Variants in ADRA2B observed in about 807,000 individuals in gnomAD.
ADRA2B encodes the protein alpha-2B adrenergic receptor.
A neutral mutation model predicts 14.4 loss-of-function variants in ADRA2B; 14 were observed. The ratio of observed to expected loss-of-function variants is 0.97; its 90% CI spans 0.64 to 1.52. The LOEUF (loss-of-function observed/expected upper bound fraction) is 1.52, where lower values mean the gene tolerates loss of function less well. Among genes scored for constraint, ADRA2B ranks in the 40% most tolerant of loss-of-function variants. The pLI, the probability that ADRA2B is intolerant of heterozygous loss-of-function variation, is 0.00. For missense variants in ADRA2B, 606 were observed against 603.2 expected, an observed-to-expected ratio of 1.00 and a Z score of -0.05; for synonymous variants, 250 against 263.7, an observed-to-expected ratio of 0.95 and a Z score of 0.50.
In ADRA2B at chr2:96,115,315, T is replaced by C. The variant is rs1208260776; in HGVS notation, c.835A>G (p.Asn279Asp). 2 of 1,595,760 alleles carry C rather than the reference T, an allele frequency of 1.3e-6. No individual in the cohort carries two copies. Among genetic ancestry groups the C allele is most frequent in the Non-Finnish European group, 1.7e-6 (2 of 1,170,166 alleles). The change falls in exon 1 of 1, where the codon AAC becomes GAC. Residue 279 changes from asparagine (N) to aspartate (D), a missense_variant. Coordinates refer to ENST00000620793, the MANE Select transcript of ADRA2B (RefSeq NM_000682.7). The stretch of plus-strand genomic sequence containing the variant: ...CCCTCCTTCTGGCCCTGGCCTGAGT[T>C]GGGAAGGGCAGCCCAACTGGGTGGC... The part of the protein sequence containing the change: ...ALPPSWAALP[N>D]SGQGQKEGVC...
chr2:96,115,674 C>A lies in ADRA2B; in HGVS notation c.476G>T (p.Arg159Leu), dbSNP rs766562145. The change falls in exon 1 of 1, where the codon CGC becomes CTC. Residue 159 changes from arginine (R) to leucine (L), a missense_variant. Arg to Leu is a moderately radical substitution (Grantham distance 102, BLOSUM62 -2). Coordinates refer to ENST00000620793, the MANE Select transcript of ADRA2B (RefSeq NM_000682.7). ...IYKGDQGPQP[R>L]GRPQCKLNQE... Reference sequence around the variant, plus strand: ...GTTGAGCTTGCACTGGGGGCGCCCGCGCGGCTGGGGGCCCTGGTCGCCCTT... The same window carrying A: ...GTTGAGCTTGCACTGGGGGCGCCCGAGCGGCTGGGGGCCCTGGTCGCCCTT... 37 of 1,613,584 alleles carry A rather than the reference C, an allele frequency of 2.3e-5. No individual in the cohort carries two copies. Among genetic ancestry groups the A allele is most frequent in the Non-Finnish European group, 2.3e-5 (27 of 1,179,868 alleles).
chr2:96,114,233 CG>C lies in ADRA2B; in HGVS notation c.*563del. 1 of 986,736 alleles carries C rather than the reference CG, an allele frequency of 1.0e-6. No individual in the cohort carries two copies. The highest frequency in any genetic ancestry group is 1.2e-6 in the Non-Finnish European group (1 of 830,876). The allele number at this position is 986,736 out of a possible 1,614,324, so 61.1% of individuals were successfully genotyped here. On this transcript the variant is annotated 3_prime_UTR_variant, in exon 1 of 1. Transcript: ENST00000620793. ...AAAGGGGGAAAGGAGGGCCCAGAGACGATGCCACCCCATAAGCCCCCATCCC... is the reference window on the plus strand; with the variant it reads ...AAAGGGGGAAAGGAGGGCCCAGAGACATGCCACCCCATAAGCCCCCATCCC...
Position 96,114,830 on chromosome 2 carries a change from G to A in ADRA2B, c.1320C>T (p.Ile440=), listed in dbSNP as rs1376027197. 6.2e-7 allele frequency: 1 copy of A among 1,613,572 alleles called. No homozygotes were observed. Among genetic ancestry groups the A allele is most frequent in the Non-Finnish European group, 8.5e-7 (1 of 1,179,870 alleles). ...NQDFRRAFRR[I]LCRPWTQTAW is the part of the protein sequence containing the mutation. ...CCGTCTGGGTCCACGGGCGGCACAG[G>A]ATCCTCCGGAAGGCACGGCGGAAGT... The change falls in exon 1 of 1, where the codon ATC becomes ATT. Residue 440 remains isoleucine (I), a synonymous_variant. Transcript: ENST00000620793.
At position 96,113,806 on chromosome 2, in the gene ADRA2B, G is replaced by C. The variant is rs1319067981; in HGVS notation, c.*991C>G. On this transcript the variant is annotated 3_prime_UTR_variant, in exon 1 of 1. Coordinates refer to ENST00000620793, the MANE Select transcript of ADRA2B (RefSeq NM_000682.7). Reference sequence around the variant, plus strand: ...TCCTTTAACTTGAAATAGTGATTCTGTCTGCCACTCCCGGCTTCCAGTTCG... The same window carrying C: ...TCCTTTAACTTGAAATAGTGATTCTCTCTGCCACTCCCGGCTTCCAGTTCG... 1.5e-6 allele frequency: 1 copy of C among 686,646 alleles called. No homozygotes were observed. 42.5% of individuals were successfully genotyped at this position (686,646 alleles called of 1,614,324 possible).
rs1283468600 is a variant in ADRA2B at position 96,115,792 on chromosome 2, A to G, written c.358T>C (p.Tyr120His). The part of the protein sequence containing the change: ...RYWAVSRALE[Y>H]NSKRTPRRIK... ...CGGCGCGGGGTGCGCTTGGAGTTGT[A>G]CTCCAGCGCGCGGCTCACGGCCCAG... The change falls in exon 1 of 1, where the codon TAC becomes CAC. Residue 120 changes from tyrosine (Y) to histidine (H), a missense_variant. Coordinates refer to ENST00000620793, the MANE Select transcript of ADRA2B (RefSeq NM_000682.7). 3 of 1,612,560 alleles carry G rather than the reference A, an allele frequency of 1.9e-6. No individual in the cohort carries two copies. In the African/African-American group the frequency reaches 4.0e-5, roughly 22 times the overall value.
chr2:96,115,281 C>T lies in ADRA2B; in HGVS notation c.869G>A (p.Gly290Glu), dbSNP rs756029699. 6.5e-5 allele frequency: 103 copies of T among 1,572,994 alleles called. No homozygotes were observed. Among genetic ancestry groups the T allele is most frequent in the Non-Finnish European group, 8.3e-5 (96 of 1,159,224 alleles). The change falls in exon 1 of 1, where the codon GGG (glycine) becomes GAG (glutamate). Residue 290 changes from glycine to glutamate, a missense_variant. Physicochemically the swap from Gly to Glu is moderately conservative, Grantham distance 98. Transcript: ENST00000620793. Reference protein sequence around the residue: ...SGQGQKEGVCGASPEDEAEEE... With the variant: ...SGQGQKEGVCEASPEDEAEEE... ...TTCAGCTTCATCCTCTGGAGATGCCCCACAAACACCCTCCTTCTGGCCCTG... is the reference window on the plus strand; with the variant it reads ...TTCAGCTTCATCCTCTGGAGATGCCTCACAAACACCCTCCTTCTGGCCCTG...
rs1055095826 is a variant in ADRA2B, at chr2:96,114,119, C to T, written c.*678G>A. 1.2e-5 allele frequency: 12 copies of T among 985,652 alleles called. No homozygotes were observed. The highest frequency in any genetic ancestry group is 1.4e-5 in the Non-Finnish European group (12 of 829,964). The allele number at this position is 985,652 out of a possible 1,614,324, so 61.1% of individuals were successfully genotyped here. A position where few individuals can be genotyped will look rare whatever the true frequency, so the allele number is the denominator to read the frequency against. On this transcript the variant is annotated 3_prime_UTR_variant, in exon 1 of 1. Transcript: ENST00000620793. ...CAAGACCGCCCCAGCGAGGCATCCA[C>T]GTGGCCACCCACCTACCGGAGGGGT...
At position 96,115,798 on chromosome 2, in the gene ADRA2B, G is replaced by A. The variant is rs570328500; in HGVS notation, c.352C>T (p.Leu118=). Residue 118 remains leucine (L), a synonymous_variant, in exon 1 of 1, where the codon CTG becomes TTG. Coordinates refer to ENST00000620793, the MANE Select transcript of ADRA2B (RefSeq NM_000682.7). ...LDRYWAVSRA[L]EYNSKRTPRR... ...GGGGTGCGCTTGGAGTTGTACTCCA[G>A]CGCGCGGCTCACGGCCCAGTAGCGG... is the stretch of plus-strand genomic sequence containing the variant. 2 of 1,613,268 alleles carry A rather than the reference G, an allele frequency of 1.2e-6. No individual in the cohort carries two copies. The highest frequency in any genetic ancestry group is 3.3e-5 in the Admixed American group (2 of 59,968).
In ADRA2B at chr2:96,114,007, T is replaced by G. The variant is rs1681805632; in HGVS notation, c.*790A>C. The G allele has an allele frequency of 1.0e-6, 1 of 985,714 alleles. No individual in the cohort carries two copies. The highest frequency in any genetic ancestry group is 1.2e-6 in the Non-Finnish European group (1 of 829,936). 61.1% of individuals were successfully genotyped at this position (985,714 alleles called of 1,614,324 possible). ...AAGCCTTTCATCTCCCTGCAGCAAG[T>G]AGGCAGTGAGCTATTGTCGCCCCGA... On this transcript the variant is annotated 3_prime_UTR_variant, in exon 1 of 1. Coordinates refer to ENST00000620793, the MANE Select transcript of ADRA2B (RefSeq NM_000682.7).
At position 96,115,058 on chromosome 2, in the gene ADRA2B, G is replaced by T; in HGVS notation, c.1092C>A (p.Thr364=). 6.2e-7 allele frequency: 1 copy of T among 1,613,670 alleles called. No individual in the cohort carries two copies. The highest frequency in any genetic ancestry group is 8.5e-7 in the Non-Finnish European group (1 of 1,179,768). Residue 364 remains threonine, a synonymous_variant, in exon 1 of 1, where the codon ACC becomes ACA. Coordinates refer to ENST00000620793, the MANE Select transcript of ADRA2B (RefSeq NM_000682.7). ...GQWWRRRAQL[T]REKRFTFVLA... ...GCACGAAGGTGAAGCGCTTCTCCCGGGTCAGCTGCGCCCGTCGACGCCACC... is the reference window on the plus strand; with the variant it reads ...GCACGAAGGTGAAGCGCTTCTCCCGTGTCAGCTGCGCCCGTCGACGCCACC...
In ADRA2B at chr2:96,115,301, G is replaced by T; in HGVS notation, c.849C>A (p.Gly283=). Reference sequence around the variant, plus strand: ...ATGCCCCACAAACACCCTCCTTCTGGCCCTGGCCTGAGTTGGGAAGGGCAG... The same window carrying T: ...ATGCCCCACAAACACCCTCCTTCTGTCCCTGGCCTGAGTTGGGAAGGGCAG... The part of the protein sequence containing the change: ...SWAALPNSGQ[G]QKEGVCGASP... The change falls in exon 1 of 1, where the codon GGC becomes GGA. Residue 283 remains glycine (G), a synonymous_variant. Coordinates refer to ENST00000620793, the MANE Select transcript of ADRA2B (RefSeq NM_000682.7). 1 of 1,587,902 alleles carries T rather than the reference G, an allele frequency of 6.3e-7. No individual in the cohort carries two copies.
Position 96,115,415 on chromosome 2 carries a change from C to G in ADRA2B, c.735G>C (p.Glu245Asp). The G allele has an allele frequency of 1.9e-6, 3 of 1,610,650 alleles. No individual in the cohort carries two copies. The highest frequency in any genetic ancestry group is 2.5e-6 in the Non-Finnish European group (3 of 1,177,770). Residue 245 changes from glutamate (E) to aspartate (D), a missense_variant, in exon 1 of 1, where the codon GAG (glutamate) becomes GAC (aspartate). Coordinates refer to ENST00000620793, the MANE Select transcript of ADRA2B (RefSeq NM_000682.7). ...CAGTGGACTTCGAGTGTCCGTTGACCTCTCTGGCAGAAGCCACAGAGGCCA... is the reference window on the plus strand; with the variant it reads ...CAGTGGACTTCGAGTGTCCGTTGACGTCTCTGGCAGAAGCCACAGAGGCCA... ...PALASVASAR[E>D]VNGHSKSTGE...
Position 96,115,190 on chromosome 2 carries a change from G to A in ADRA2B, c.960C>T (p.Ala320=). The change falls in exon 1 of 1, where the codon GCC becomes GCT. Residue 320 remains alanine (A), a synonymous_variant. Transcript: ENST00000620793. ...CEPQAVPVSP[A]SACSPPLQQP... ...GCTGCAGCGGGGGGCTGCAAGCTGA[G>A]GCCGGAGACACTGGCACTGCCTGGG... 6.4e-7 allele frequency: 1 copy of A among 1,566,522 alleles called. No individual in the cohort carries two copies. Among genetic ancestry groups the A allele is most frequent in the Non-Finnish European group, 8.6e-7 (1 of 1,156,106 alleles).
In ADRA2B at chr2:96,115,766, G is replaced by T. The variant is rs1420675436; in HGVS notation, c.384C>A (p.Arg128=). 6.2e-7 allele frequency: 1 copy of T among 1,612,834 alleles called. No homozygotes were observed. Among genetic ancestry groups the T allele is most frequent in the Non-Finnish European group, 8.5e-7 (1 of 1,179,418 alleles). Residue 128 remains arginine, a synonymous_variant, in exon 1 of 1, where the codon CGC becomes CGA. Coordinates refer to ENST00000620793, the MANE Select transcript of ADRA2B (RefSeq NM_000682.7). The part of the protein sequence containing the change: ...LEYNSKRTPR[R]IKCIILTVWL... ...ACACAGTGAGGATGATGCACTTGAT[G>T]CGGCGCGGGGTGCGCTTGGAGTTGT... is the stretch of plus-strand genomic sequence containing the variant.
chr2:96,114,602 C>T lies in ADRA2B; in HGVS notation c.*195G>A, dbSNP rs567807078. On this transcript the variant is annotated 3_prime_UTR_variant, in exon 1 of 1. Transcript: ENST00000620793. The stretch of plus-strand genomic sequence containing the variant: ...GAGAAGGGGTCCCCCACAGCTAAGC[C>T]GGCAAGGGGAAGCTTCACTGGGACC... The T allele has an allele frequency of 1.3e-5, 18 of 1,420,472 alleles. No homozygotes were observed. Among genetic ancestry groups the T allele is most frequent in the South Asian group, 3.1e-5 (2 of 64,782 alleles). The allele number at this position is 1,420,472 out of a possible 1,614,324, so 88.0% of individuals were successfully genotyped here. A position where few individuals can be genotyped will look rare whatever the true frequency, so the allele number is the denominator to read the frequency against.
In ADRA2B at chr2:96,115,914, T is replaced by G; in HGVS notation, c.236A>C (p.Tyr79Ser). The change falls in exon 1 of 1, where the codon TAC (tyrosine) becomes TCC (serine). Residue 79 changes from tyrosine (Y) to serine (S), a missense_variant. Tyr to Ser is a moderately radical substitution (Grantham distance 144). Transcript: ENST00000620793. ...SLANELLGYW[Y>S]FRRTWCEVYL... is the part of the protein sequence containing the mutation. The stretch of plus-strand genomic sequence containing the variant: ...CACCTCGCACCACGTGCGCCGGAAG[T>G]ACCAGTAGCCCAGCAGCTCGTTGGC... 1 of 1,613,682 alleles carries G rather than the reference T, an allele frequency of 6.2e-7. No individual in the cohort carries two copies. The highest frequency in any genetic ancestry group is 8.5e-7 in the Non-Finnish European group (1 of 1,179,850).
Position 96,115,900 on chromosome 2 carries a change from A to G in ADRA2B, c.250T>C (p.Trp84Arg). 1 of 1,613,558 alleles carries G rather than the reference A, an allele frequency of 6.2e-7. No homozygotes were observed. ...TCGAGCGCCAGGTACACCTCGCACC[A>G]CGTGCGCCGGAAGTACCAGTAGCCC... is the stretch of plus-strand genomic sequence containing the variant. ...LLGYWYFRRT[W>R]CEVYLALDVL... Residue 84 changes from tryptophan to arginine, a missense_variant, in exon 1 of 1, where the codon TGG becomes CGG. Trp to Arg is a moderately radical substitution (Grantham distance 101). Transcript: ENST00000620793.
At position 96,115,979 on chromosome 2, in the gene ADRA2B, G is replaced by A; in HGVS notation, c.171C>T (p.Ala57=). ...TGATGAGCGTGGCCACCAGGATGTC[G>A]GCGGCGGCCAGCGACACCAGGAACA... is the stretch of plus-strand genomic sequence containing the variant. ...QNLFLVSLAA[A]DILVATLIIP... is the part of the protein sequence containing the mutation. The change falls in exon 1 of 1, where the codon GCC becomes GCT. Residue 57 remains alanine (A), a synonymous_variant. Coordinates refer to ENST00000620793, the MANE Select transcript of ADRA2B (RefSeq NM_000682.7). 2 of 1,613,694 alleles carry A rather than the reference G, an allele frequency of 1.2e-6. No homozygotes were observed. Among genetic ancestry groups the A allele is most frequent in the African/African-American group, 1.3e-5 (1 of 75,060 alleles).
chr2:96,114,868 T>C lies in ADRA2B; in HGVS notation c.1282A>G (p.Ile428Val), dbSNP rs1261663681. The change falls in exon 1 of 1, where the codon ATC becomes GTC. Residue 428 changes from isoleucine to valine, a missense_variant. By Grantham distance (29) the Ile-to-Val change is conservative. Transcript: ENST00000620793. Reference protein sequence around the residue: ...NSSLNPVIYTIFNQDFRRAFR... With the variant: ...NSSLNPVIYTVFNQDFRRAFR... Reference sequence around the variant, plus strand: ...GCACGGCGGAAGTCCTGGTTGAAGATGGTGTAGATAACAGGGTTCAGTGAG... The same window carrying C: ...GCACGGCGGAAGTCCTGGTTGAAGACGGTGTAGATAACAGGGTTCAGTGAG... 6.2e-7 allele frequency: 1 copy of C among 1,613,908 alleles called. No individual in the cohort carries two copies. The highest frequency in any genetic ancestry group is 8.5e-7 in the Non-Finnish European group (1 of 1,179,960).
Sources: allele counts gnomAD v4.1 joint callset, GRCh38; gene constraint gnomAD v4.1.1; transcripts MANE v1.5; gene names NCBI Gene and HGNC (gene_info 2026-07-23, HGNC 2026-07-21).